ARSJ: variants seen among roughly 807,000 people sequenced by gnomAD.
ARSJ encodes arylsulfatase family member J.
Under a neutral mutation model 35.9 loss-of-function variants are expected in ARSJ, and 26 were observed. The ratio of observed to expected loss-of-function variants is 0.72; its 90% CI spans 0.53 to 1.00. The LOEUF is 1.00. Ranked by LOEUF, ARSJ falls within the 50% of genes least tolerant of loss-of-function variation. The pLI, the probability that ARSJ is intolerant of heterozygous loss-of-function variation, is 0.00. For synonymous variants in ARSJ, 294 were observed against 267.6 expected (o/e 1.10, Z -0.96); for missense variants, 667 against 723.6 (o/e 0.92, Z 0.90).
intron 1 of ARSJ, among the ~76,000 whole-genome samples, chr4:113,965,881 ACT>A (rs964457412): frequency 4.6e-5 from 7 of 152,126 alleles, no homozygotes; most frequent in Admixed American, 2.6e-4. Context: ...AGTCTGAATC[ACT>A]CTGTTCACAT....
At chr4:113,913,955 A>G (rs966324481) in intron 1 of ARSJ, among the ~76,000 whole-genome samples, 1 of 151,986 alleles carries the variant, frequency 6.6e-6, no homozygotes, top group African/African-American at 2.4e-5. Context: ...AGAATTTAAA[A>G]TCCTTTCATT....
At chr4:113,904,951 G>C (rs1257513093) in intron 1 of ARSJ, among the ~76,000 whole-genome samples, 1 of 152,192 alleles carries the variant, frequency 6.6e-6, no homozygotes, top group Admixed American at 6.5e-5. Flanking sequence ...GTTTCCCACA[G>C]TGTCTCTTTT....
intron 1 of ARSJ, among the ~76,000 whole-genome samples, chr4:113,941,994 C>A (rs1223129122): frequency 6.6e-6 from 1 of 151,844 alleles, no homozygotes; most frequent in Non-Finnish European, 1.5e-5. Flanking sequence ...CACTTGAAAT[C>A]CCTGAAGTAT....
At chr4:113,953,918 A>G (rs1208534194) in intron 1 of ARSJ, among the ~76,000 whole-genome samples, 1 of 152,040 alleles carries the variant, frequency 6.6e-6, no homozygotes, top group Non-Finnish European at 1.5e-5. Flanking sequence ...TTTGAATAAA[A>G]TTGTTTCAAG....
At chr4:113,973,548 G>T (rs1727409933) in intron 1 of ARSJ, among the ~76,000 whole-genome samples, 1 of 152,150 alleles carries the variant, frequency 6.6e-6, no homozygotes, top group Non-Finnish European at 1.5e-5. Context: ...AATGCCTGGT[G>T]TCTGTTAAAA....
intron 1 of ARSJ, among the ~76,000 whole-genome samples, chr4:113,909,545 A>C (rs1345681519): frequency 6.6e-6 from 1 of 152,068 alleles, no homozygotes; most frequent in Non-Finnish European, 1.5e-5. Flanking sequence ...TATTCTCGTG[A>C]TAGTAAGTTC....
rs1190790065 is a variant in ARSJ at position 113,903,576 on chromosome 4, C to G, written c.498G>C (p.Glu166Asp). 1.9e-6 allele frequency: 3 copies of G among 1,614,086 alleles called. No individual in the cohort carries two copies. The Admixed American group carries it at 5.0e-5, about 27-fold the overall frequency. The stretch of plus-strand genomic sequence containing the variant: ...CGACCATATGCGTTGAATATCCAAC[C>G]TCCTTCAGTTTCTGAGGTAGGGTGG... ...DNATLPQKLKEVGYSTHMVGK... is the reference protein window; with the variant it reads ...DNATLPQKLKDVGYSTHMVGK... The change falls in exon 2 of 2, where the codon GAG becomes GAC. Residue 166 changes from glutamate (E) to aspartate (D), a missense_variant. Coordinates refer to ENST00000315366, the MANE Select transcript of ARSJ (RefSeq NM_024590.4).
intron 1 of ARSJ, among the ~76,000 whole-genome samples, chr4:113,911,249 TA>T (rs1318885929): frequency 2.6e-5 from 4 of 152,318 alleles, no homozygotes; most frequent in Admixed American, 6.5e-5. Context: ...ATATCTTGAC[TA>T]GTCTATAGAG....
In ARSJ at chr4:113,900,627, G is replaced by T. The variant is rs2099666764; in HGVS notation, c.*1647C>A. On this transcript the variant is annotated 3_prime_UTR_variant, in exon 2 of 2. Transcript: ENST00000315366. The stretch of plus-strand genomic sequence containing the variant: ...TGTCATACCACCACACACATTTTCA[G>T]ATCACAGTTATAACTTCAAAGATCA... The T allele has an allele frequency of 2.0e-5, 3 of 152,064 alleles. No homozygotes were observed. The highest frequency in any genetic ancestry group is 1.3e-4 in the Admixed American group (2 of 15,272). 9.4% of individuals were successfully genotyped at this position (152,064 alleles called of 1,614,324 possible). A position where few individuals can be genotyped will look rare whatever the true frequency, so the allele number is the denominator to read the frequency against.
At chr4:113,908,633 G>A (rs2099669498) in intron 1 of ARSJ, among the ~76,000 whole-genome samples, 1 of 152,034 alleles carries the variant, frequency 6.6e-6, no homozygotes, top group South Asian at 2.1e-4. Context: ...ATCCCATTAT[G>A]TTAATTAGAA....
At chr4:113,905,891 C>G (rs2099668607) in intron 1 of ARSJ, among the ~76,000 whole-genome samples, 1 of 152,010 alleles carries the variant, frequency 6.6e-6, no homozygotes, top group Non-Finnish European at 1.5e-5. Flanking sequence ...TGATTTCGAA[C>G]TTCTGACCTC....
At chr4:113,960,135 A>G (rs188749135) in intron 1 of ARSJ, among the ~76,000 whole-genome samples, 1 of 152,200 alleles carries the variant, frequency 6.6e-6, no homozygotes. Flanking sequence ...ATAAAATACA[A>G]TTAGGCAATG....
At chr4:113,939,667 A>T (rs1387112231) in intron 1 of ARSJ, among the ~76,000 whole-genome samples, 1 of 151,924 alleles carries the variant, frequency 6.6e-6, no homozygotes, top group Non-Finnish European at 1.5e-5. Flanking sequence ...GCCAGTGATG[A>T]TGAGCATTTT....
chr4:113,918,407 T>A (rs1723454187), intron 1 of ARSJ, among the ~76,000 whole-genome samples: 1 of 152,188 alleles, frequency 6.6e-6, no homozygotes, highest in African/African-American at 2.4e-5. Context: ...TACTTTTGAA[T>A]GAGTAAATAA....
rs1282158884 is a variant in ARSJ at position 113,902,505 on chromosome 4, G to C, written c.1569C>G (p.Leu523=). 2 of 1,614,180 alleles carry C rather than the reference G, an allele frequency of 1.2e-6. No homozygotes were observed. The highest frequency in any genetic ancestry group is 8.5e-7 in the Non-Finnish European group (1 of 1,180,028). ...GCACTGCAGTTTTGTTGAACTGTGA[G>C]AGCCTCCGTAGGAGCTTCTTCACGA... is the stretch of plus-strand genomic sequence containing the variant. ...PGIVKKLLRR[L]SQFNKTAVPV... Residue 523 remains leucine, a synonymous_variant, in exon 2 of 2, where the codon CTC becomes CTG. Transcript: ENST00000315366.
intron 1 of ARSJ, among the ~76,000 whole-genome samples, chr4:113,912,855 G>C (rs1466830784): frequency 6.6e-6 from 1 of 151,950 alleles, no homozygotes; most frequent in Admixed American, 6.6e-5. Context: ...ATTGTGGGAG[G>C]AGAAGCTTTC....
intron 1 of ARSJ, among the ~76,000 whole-genome samples, chr4:113,958,932 G>A (rs185898279): frequency 3.3e-5 from 5 of 151,772 alleles, no homozygotes; most frequent in Admixed American, 2.0e-4. Context: ...ATTAAACCCC[G>A]CACGCAGGCT....
chr4:113,949,680 T>C (rs1725732939), intron 1 of ARSJ, among the ~76,000 whole-genome samples: 1 of 152,100 alleles, frequency 6.6e-6, no homozygotes, highest in Admixed American at 6.6e-5. Context: ...TCCATGCCAG[T>C]CTCTGTACTA....
At chr4:113,910,652 A>C (rs1489355502) in intron 1 of ARSJ, among the ~76,000 whole-genome samples, 1 of 152,106 alleles carries the variant, frequency 6.6e-6, no homozygotes, top group Non-Finnish European at 1.5e-5. Flanking sequence ...TCTTTCAGTT[A>C]ATTATATCTT....
Sources: allele counts gnomAD v4.1 joint callset (sites outside exome capture counted in the v4.1 genomes callset), GRCh38; gene constraint gnomAD v4.1.1; transcripts MANE v1.5; gene names NCBI Gene and HGNC (gene_info 2026-07-23, HGNC 2026-07-21).